Variants in AGBL4 observed in about 807,000 individuals in gnomAD.
AGBL4 encodes cytosolic carboxypeptidase 6.
A neutral mutation model predicts 66.4 loss-of-function variants in AGBL4; 58 were observed. The ratio of observed to expected loss-of-function variants is 0.87; its 90% CI spans 0.71 to 1.09. The LOEUF is 1.09. AGBL4 is among the 50% of genes least tolerant of loss of function. The probability of loss-of-function intolerance (pLI) is 0.00; values close to 1 mark genes in which losing one functional copy is unlikely to be tolerated. For synonymous variants in AGBL4, 234 were observed against 222.9 expected (o/e 1.05, Z -0.44); for missense variants, 579 against 631.0 (o/e 0.92, Z 0.88).
chr1:49,371,551 G>A (rs1174775701), intron 3 of AGBL4, among the ~76,000 whole-genome samples: 1 of 152,080 alleles, frequency 6.6e-6, no homozygotes, highest in Non-Finnish European at 1.5e-5. Context: ...TTAAACAGCA[G>A]AATTACATAT....
chr1:48,639,000 G>A (rs1297140933), intron 8 of AGBL4, among the ~76,000 whole-genome samples: 1 of 152,148 alleles, frequency 6.6e-6, no homozygotes, highest in African/African-American at 2.4e-5. Context: ...CAGGTGTCCC[G>A]TTCTGGACTT....
At chr1:48,880,787 T>C (rs1216018923) in intron 5 of AGBL4, among the ~76,000 whole-genome samples, 2 of 152,234 alleles carry the variant, frequency 1.3e-5, no homozygotes, top group Non-Finnish European at 2.9e-5. Context: ...GTGTTTGTGA[T>C]GCATAGGTAA....
At chr1:49,102,709 A>C (rs931535365) in intron 4 of AGBL4, among the ~76,000 whole-genome samples, 2 of 152,200 alleles carry the variant, frequency 1.3e-5, no homozygotes, top group Admixed American at 6.5e-5. Flanking sequence ...ACCCCTGTGA[A>C]GTAGATAGCA....
At position 49,404,432 on chromosome 1, in the gene AGBL4, C is replaced by A. The variant is rs527532830; in HGVS notation, c.283-158568G>T. On this transcript the variant is annotated intron_variant, in intron 3 of 13. Transcript: ENST00000371839. ...TCTGGAACTGTGAGAACATAAATTT[C>A]TGTTCTTTAAGCCATCCAGTCATCC... Among the ~76,000 whole-genome samples, 6 of 152,258 alleles carry A rather than the reference C, an allele frequency of 3.9e-5. No homozygotes were observed. The South Asian group carries it at 1.0e-3, about 26-fold the overall frequency.
chr1:49,904,029 T>C (rs1650027107), intron 1 of AGBL4, among the ~76,000 whole-genome samples: 1 of 152,156 alleles, frequency 6.6e-6, no homozygotes, highest in African/African-American at 2.4e-5. Flanking sequence ...AGGAAATATG[T>C]ATTAAATTTT....
intron 5 of AGBL4, among the ~76,000 whole-genome samples, chr1:48,880,460 C>T (rs899262964): frequency 6.6e-6 from 1 of 152,124 alleles, no homozygotes; most frequent in Non-Finnish European, 1.5e-5. Context: ...ATAATGACTT[C>T]TTTTCCTCTA....
At chr1:49,487,685 T>C (rs1207461717) in intron 3 of AGBL4, among the ~76,000 whole-genome samples, 1 of 151,950 alleles carries the variant, frequency 6.6e-6, no homozygotes, top group Non-Finnish European at 1.5e-5. Flanking sequence ...CCTTTATAAA[T>C]TACCCAGTGT....
intron 3 of AGBL4, among the ~76,000 whole-genome samples, chr1:49,247,846 G>C (rs1351041431): frequency 6.6e-6 from 1 of 152,024 alleles, no homozygotes; most frequent in Non-Finnish European, 1.5e-5. Context: ...AACAAAAGTT[G>C]TTTATTTTAG....
intron 3 of AGBL4, among the ~76,000 whole-genome samples, chr1:49,293,507 C>A (rs1479369743): frequency 1.3e-5 from 2 of 152,104 alleles, no homozygotes; most frequent in Non-Finnish European, 2.9e-5. Context: ...AAAATTTGAG[C>A]ATTTTACTGT....
At chr1:49,874,981 C>A (rs1331576396) in intron 1 of AGBL4, among the ~76,000 whole-genome samples, 1 of 101,472 alleles carries the variant, frequency 9.9e-6, no homozygotes, top group Non-Finnish European at 2.0e-5. Context: ...CCCCCTCCCC[C>A]CACCCCACAA....
chr1:49,385,631 T>G (rs1644720490), intron 3 of AGBL4, among the ~76,000 whole-genome samples: 1 of 152,092 alleles, frequency 6.6e-6, no homozygotes, highest in Non-Finnish European at 1.5e-5. Flanking sequence ...GAAGGAGTCT[T>G]TAATCAAACT....
chr1:48,565,344 C>T (rs934838333), intron 11 of AGBL4, among the ~76,000 whole-genome samples: 6 of 152,136 alleles, frequency 3.9e-5, no homozygotes, highest in Admixed American at 6.6e-5. Flanking sequence ...CCAACATAAA[C>T]GCAGATGGGA....
intron 5 of AGBL4, among the ~76,000 whole-genome samples, chr1:49,026,305 T>C (rs1663683549): frequency 6.6e-6 from 1 of 152,186 alleles, no homozygotes; most frequent in African/African-American, 2.4e-5. Context: ...ATTAAATTTA[T>C]TGAGCTTTCC....
intron 4 of AGBL4, among the ~76,000 whole-genome samples, chr1:49,222,782 T>G (rs923409120): frequency 2.0e-5 from 3 of 152,232 alleles, no homozygotes; most frequent in Admixed American, 2.0e-4. Flanking sequence ...GCTCATTCTC[T>G]AAATAACCAT....
chr1:49,240,197 C>T (rs1369861102), intron 4 of AGBL4, among the ~76,000 whole-genome samples: 6 of 152,142 alleles, frequency 3.9e-5, no homozygotes, highest in African/African-American at 1.2e-4. Context: ...GTACATACCT[C>T]TATCACTGCA....
chr1:49,832,823 T>C (rs951968601), intron 2 of AGBL4, among the ~76,000 whole-genome samples: 3 of 152,188 alleles, frequency 2.0e-5, no homozygotes, highest in African/African-American at 4.8e-5. Context: ...TCATGTCCTT[T>C]GCCCACTTTT....
chr1:49,698,861 A>G (rs536372446), intron 2 of AGBL4, among the ~76,000 whole-genome samples: 4 of 152,186 alleles, frequency 2.6e-5, no homozygotes, highest in African/African-American at 9.6e-5. Flanking sequence ...GATAAACAAT[A>G]TCTTAAAATT....
chr1:48,918,421 G>A lies in AGBL4; in HGVS notation c.595-51191C>T, dbSNP rs536223515. Among the ~76,000 whole-genome samples the A allele has an allele frequency of 2.0e-5, 3 of 152,330 alleles. No homozygotes were observed. The East Asian group carries it at 5.8e-4, about 29-fold the overall frequency. On this transcript the variant is annotated intron_variant, in intron 5 of 13. Transcript: ENST00000371839. The stretch of plus-strand genomic sequence containing the variant: ...ATGACGGAAACAACTGCCCTCCAAA[G>A]AGGCAGCCTGGTGTGTTGCTGCAAT...
intron 4 of AGBL4, among the ~76,000 whole-genome samples, chr1:49,152,799 T>G (rs1646363028): frequency 6.6e-6 from 1 of 152,212 alleles, no homozygotes; most frequent in South Asian, 2.1e-4. Flanking sequence ...GGAAAACAAG[T>G]GTATTAATAA....
Sources: allele counts gnomAD v4.1 joint callset (sites outside exome capture counted in the v4.1 genomes callset), GRCh38; gene constraint gnomAD v4.1.1; transcripts MANE v1.5; gene names NCBI Gene and HGNC (gene_info 2026-07-23, HGNC 2026-07-21).